The following APOL6 variants were observed in gnomAD, a reference collection of about 807,000 sequenced individuals.
APOL6 encodes apolipoprotein L6.
APOL6 carries 1 observed loss-of-function variant against 2.4 expected under a neutral mutation model. The observed-to-expected ratio is 0.41, with a 90% confidence interval of 0.15 to 1.94. APOL6 has a LOEUF of 1.94. Ranked by LOEUF, APOL6 falls within the 30% of genes most tolerant of loss-of-function variation. The probability of loss-of-function intolerance (pLI) is 0.30; values close to 1 mark genes in which losing one functional copy is unlikely to be tolerated. For missense variants in APOL6, 438 were observed against 429.2 expected (o/e 1.02, Z -0.18); for synonymous variants, 189 against 169.3 (o/e 1.12, Z -0.90).
chr22:35,656,483 A>C lies in APOL6; in HGVS notation c.50+8A>C. 6.2e-7 allele frequency: 1 copy of C among 1,614,084 alleles called. No individual in the cohort carries two copies. The highest frequency in any genetic ancestry group is 8.5e-7 in the Non-Finnish European group (1 of 1,179,974). Reference sequence around the variant, plus strand: ...TGGTGTTGGTTTGCAAAGGTAATCCAAAGGGTGTAGTCCCCAGGGAGAGGG... The same window carrying C: ...TGGTGTTGGTTTGCAAAGGTAATCCCAAGGGTGTAGTCCCCAGGGAGAGGG... On this transcript the variant is annotated splice_region_variant and intron_variant, in intron 2 of 2. Coordinates refer to ENST00000409652, the MANE Select transcript of APOL6 (RefSeq NM_030641.4).
rs1925057349 is a variant in APOL6 at position 35,662,567 on chromosome 22, C to T, written c.*2971C>T. 1 of 152,266 alleles carries T rather than the reference C, an allele frequency of 6.6e-6. No homozygotes were observed. Among genetic ancestry groups the T allele is most frequent in the Non-Finnish European group, 1.5e-5 (1 of 68,088 alleles). The allele number at this position is 152,266 out of a possible 1,614,324, so 9.4% of individuals were successfully genotyped here. ...CCCCACTGAACCAATGTTCTTCTTA[C>T]ATATATTGATTAATGTCTTATGTCT... On this transcript the variant is annotated 3_prime_UTR_variant, in exon 3 of 3. Coordinates refer to ENST00000409652, the MANE Select transcript of APOL6 (RefSeq NM_030641.4).
At chr22:35,650,746 C>A (rs1290145053) in intron 1 of APOL6, among the ~76,000 whole-genome samples, 2 of 151,860 alleles carry the variant, frequency 1.3e-5, no homozygotes, top group Admixed American at 1.3e-4. Context: ...CCTGGCCAAC[C>A]TTGTGAAACC....
Position 35,659,593 on chromosome 22 carries a change from A to T in APOL6, c.1029A>T (p.Thr343=). The T allele has an allele frequency of 6.2e-7, 1 of 1,600,180 alleles. No homozygotes were observed. The highest frequency in any genetic ancestry group is 1.7e-4 in the Middle Eastern group (1 of 6,010). Residue 343 remains threonine, a synonymous_variant, in exon 3 of 3, where the codon ACA becomes ACT. Coordinates refer to ENST00000409652, the MANE Select transcript of APOL6 (RefSeq NM_030641.4). ...GTGTCTGTGTGTATGTACAGTTTAC[A>T]TGAATGTTCCTCAGGACATGGCATA... ...CLCVCVYVQF[T]
chr22:35,655,671 A>G (rs1472543856), intron 1 of APOL6, among the ~76,000 whole-genome samples: 1 of 151,980 alleles, frequency 6.6e-6, no homozygotes. Flanking sequence ...ATGGGAGGAA[A>G]AGTAATTTTT....
chr22:35,665,975 C>T lies in APOL6; in HGVS notation c.*6379C>T, dbSNP rs1569137250. On this transcript the variant is annotated 3_prime_UTR_variant, in exon 3 of 3. Transcript: ENST00000409652. ...AAAGTCCTAAAATGACATAATTTGG[C>T]TTATTTGGTATAAAAATTATATAGG... 1.3e-5 allele frequency: 2 copies of T among 152,000 alleles called. No homozygotes were observed. Among genetic ancestry groups the T allele is most frequent in the East Asian group, 1.9e-4 (1 of 5,196 alleles). 9.4% of individuals were successfully genotyped at this position (152,000 alleles called of 1,614,324 possible). A position where few individuals can be genotyped will look rare whatever the true frequency, so the allele number is the denominator to read the frequency against.
rs1925132207 is a variant in APOL6 at position 35,664,932 on chromosome 22, A to T, written c.*5336A>T. The stretch of plus-strand genomic sequence containing the variant: ...AGTTATAAAAATAAAGAATTTTTTC[A>T]AGGTTAAAAAGCTGAAAAAGAAATA... On this transcript the variant is annotated 3_prime_UTR_variant, in exon 3 of 3. Transcript: ENST00000409652. 6.6e-6 allele frequency: 1 copy of T among 151,898 alleles called. No individual in the cohort carries two copies. The highest frequency in any genetic ancestry group is 2.1e-4 in the South Asian group (1 of 4,836). The allele number at this position is 151,898 out of a possible 1,614,324, so 9.4% of individuals were successfully genotyped here. A position where few individuals can be genotyped will look rare whatever the true frequency, so the allele number is the denominator to read the frequency against.
rs755004445 is a variant in APOL6, at chr22:35,662,425, A to C, written c.*2829A>C. ...CCCACCTCCCACTCTATTCAAAGTT[A>C]TCTCTCTGCTCACTGAGATAGATAC... On this transcript the variant is annotated 3_prime_UTR_variant, in exon 3 of 3. Transcript: ENST00000409652. 1 of 152,174 alleles carries C rather than the reference A, an allele frequency of 6.6e-6. No homozygotes were observed. The highest frequency in any genetic ancestry group is 1.5e-5 in the Non-Finnish European group (1 of 68,030). The allele number at this position is 152,174 out of a possible 1,614,324, so 9.4% of individuals were successfully genotyped here. A position where few individuals can be genotyped will look rare whatever the true frequency, so the allele number is the denominator to read the frequency against.
intron 1 of APOL6, among the ~76,000 whole-genome samples, chr22:35,650,775 C>T (rs1924666339): frequency 6.6e-6 from 1 of 151,886 alleles, no homozygotes; most frequent in African/African-American, 2.4e-5. Context: ...ACTAAAAATA[C>T]AAAAATTAGC....
At position 35,658,905 on chromosome 22, in the gene APOL6, A is replaced by G. The variant is rs1269219805; in HGVS notation, c.341A>G (p.Gln114Arg). 6 of 1,614,042 alleles carry G rather than the reference A, an allele frequency of 3.7e-6. No individual in the cohort carries two copies. Residue 114 changes from glutamine (Q) to arginine (R), a missense_variant, in exon 3 of 3, where the codon CAA becomes CGA. By Grantham distance (43) the Gln-to-Arg change is conservative. Coordinates refer to ENST00000409652, the MANE Select transcript of APOL6 (RefSeq NM_030641.4). ...AGCCTGCTGCTCTCCACCGCTGGTC[A>G]AGGTTTGGCAACAGCAGCTGGGGTC... is the stretch of plus-strand genomic sequence containing the variant. ...GGSLLLSTAG[Q>R]GLATAAGVTS... is the part of the protein sequence containing the mutation.
chr22:35,658,977 C>T lies in APOL6; in HGVS notation c.413C>T (p.Ala138Val), dbSNP rs1924929689. ...TTGGAACGCTCCAAAAATAAAGAAG[C>T]CCAAGCACGGGCGGAAGACATACTG... ...GTLERSKNKE[A>V]QARAEDILPT... The change falls in exon 3 of 3, where the codon GCC becomes GTC. Residue 138 changes from alanine (A) to valine (V), a missense_variant. Coordinates refer to ENST00000409652, the MANE Select transcript of APOL6 (RefSeq NM_030641.4). 3.1e-6 allele frequency: 5 copies of T among 1,613,752 alleles called. No homozygotes were observed. Among genetic ancestry groups the T allele is most frequent in the Non-Finnish European group, 4.2e-6 (5 of 1,180,038 alleles).
chr22:35,656,354 G>T lies in APOL6; in HGVS notation c.-47-25G>T, dbSNP rs763615209. 1.5e-5 allele frequency: 23 copies of T among 1,569,924 alleles called. No individual in the cohort carries two copies. In the East Asian group the frequency reaches 4.9e-4, roughly 34 times the overall value. On this transcript the variant is annotated intron_variant, in intron 1 of 2. Coordinates refer to ENST00000409652, the MANE Select transcript of APOL6 (RefSeq NM_030641.4). ...AAGGTTTCATCATATGTGCAGTAAC[G>T]TTGTTTTTCTACATTCCTGACCAGA... is the stretch of plus-strand genomic sequence containing the variant.
intron 1 of APOL6, among the ~76,000 whole-genome samples, chr22:35,648,887 G>C (rs1286331186): frequency 6.6e-6 from 1 of 152,216 alleles, no homozygotes; most frequent in African/African-American, 2.4e-5. Flanking sequence ...TAGCCAAGTT[G>C]CATTTGTCCC....
Position 35,652,676 on chromosome 22 carries a change from T to C in APOL6, c.-47-3703T>C, listed in dbSNP as rs544603022. ...GGAATCATTTCCCCATTTCTTGTTT[T>C]TGTCAGGTTTGTCAAAGATCAGATA... On this transcript the variant is annotated intron_variant, in intron 1 of 2. Transcript: ENST00000409652. 5.3e-5 allele frequency among the ~76,000 whole-genome samples: 8 copies of C among 152,364 alleles called. No individual in the cohort carries two copies. In the East Asian group the frequency reaches 1.5e-3, roughly 29 times the overall value.
chr22:35,658,082 C>A (rs1208209806), intron 2 of APOL6, among the ~76,000 whole-genome samples: 1 of 152,012 alleles, frequency 6.6e-6, no homozygotes, highest in Non-Finnish European at 1.5e-5. Context: ...AAAGACACAC[C>A]CCAGAGTAAC....
chr22:35,653,787 G>A (rs956610885), intron 1 of APOL6, among the ~76,000 whole-genome samples: 2 of 152,194 alleles, frequency 1.3e-5, no homozygotes, highest in Non-Finnish European at 2.9e-5. Flanking sequence ...GCATCCTACA[G>A]TTTAACTCAA....
chr22:35,656,556 G>A (rs945515619), intron 2 of APOL6, 81 bp downstream of exon 2: 126 of 1,520,548 alleles, frequency 8.3e-5, no homozygotes, highest in Non-Finnish European at 1.1e-4. Context: ...AGGAATACAT[G>A]TGCTCTGATA....
Position 35,668,148 on chromosome 22 carries a change from C to G in APOL6, c.*8552C>G. ...AGGCATTCCTTTCTATCGATAATTACTCTTTCAACCAATTGCCAATCAGAA... is the reference window on the plus strand; with the variant it reads ...AGGCATTCCTTTCTATCGATAATTAGTCTTTCAACCAATTGCCAATCAGAA... On this transcript the variant is annotated 3_prime_UTR_variant, in exon 3 of 3. Transcript: ENST00000409652. 1 of 152,244 alleles carries G rather than the reference C, an allele frequency of 6.6e-6. No individual in the cohort carries two copies. Among genetic ancestry groups the G allele is most frequent in the East Asian group, 1.9e-4 (1 of 5,198 alleles). 9.4% of individuals were successfully genotyped at this position (152,244 alleles called of 1,614,324 possible).
In APOL6 at chr22:35,659,621, A is replaced by G. The variant is rs1026754132; in HGVS notation, c.*25A>G. ...AATGTTCCTCAGGACATGGCATACA[A>G]TGGCCTTGGAGGTCCAAATAATATC... On this transcript the variant is annotated 3_prime_UTR_variant, in exon 3 of 3. Coordinates refer to ENST00000409652, the MANE Select transcript of APOL6 (RefSeq NM_030641.4). The G allele has an allele frequency of 3.2e-6, 5 of 1,558,544 alleles. No individual in the cohort carries two copies. The highest frequency in any genetic ancestry group is 4.3e-6 in the Non-Finnish European group (5 of 1,150,722).
rs570483256 is a variant in APOL6, at chr22:35,662,209, T to A, written c.*2613T>A. The stretch of plus-strand genomic sequence containing the variant: ...CAGCAGTGGGTCAGAGATAGACCTT[T>A]GTTCTCTTATTTCTGAGGCCCTTCA... On this transcript the variant is annotated 3_prime_UTR_variant, in exon 3 of 3. Transcript: ENST00000409652. The A allele has an allele frequency of 1.3e-5, 2 of 152,266 alleles. No homozygotes were observed. Among genetic ancestry groups the A allele is most frequent in the South Asian group, 4.1e-4 (2 of 4,820 alleles). The allele number at this position is 152,266 out of a possible 1,614,324, so 9.4% of individuals were successfully genotyped here.
Sources: allele counts gnomAD v4.1 joint callset (sites outside exome capture counted in the v4.1 genomes callset), GRCh38; gene constraint gnomAD v4.1.1; transcripts MANE v1.5; gene names NCBI Gene and HGNC (gene_info 2026-07-23, HGNC 2026-07-21).